The following EPS8L2 variants were observed in gnomAD, a reference collection of about 807,000 sequenced individuals.
EPS8L2 encodes EPS8 signaling adaptor L2.
EPS8L2 carries 81 observed loss-of-function variants against 99.4 expected under a neutral mutation model. That is an observed-to-expected ratio of 0.82 (90% CI 0.68 to 0.98). The LOEUF is 0.98. EPS8L2 is among the 50% of genes least tolerant of loss of function. The pLI, the probability that EPS8L2 is intolerant of heterozygous loss-of-function variation, is 0.00. For synonymous variants in EPS8L2, 509 were observed against 407.3 expected (o/e 1.25, Z -3.01); for missense variants, 1,155 against 968.8 (o/e 1.19, Z -2.55).
chr11:726,323 C>T lies in EPS8L2; in HGVS notation c.1773C>T (p.Asp591=). The T allele has an allele frequency of 6.2e-7, 1 of 1,609,614 alleles. No homozygotes were observed. Among genetic ancestry groups the T allele is most frequent in the Non-Finnish European group, 8.5e-7 (1 of 1,178,730 alleles). Residue 591 remains aspartate, a synonymous_variant, in exon 19 of 21, where the codon GAC becomes GAT. Coordinates refer to ENST00000318562, the MANE Select transcript of EPS8L2 (RefSeq NM_022772.4). Reference sequence around the variant, plus strand: ...CCTCAGAGCTCATGCAGCACATGGACGAGGTCAACGACGAGCTCATCCGGA... The same window carrying T: ...CCTCAGAGCTCATGCAGCACATGGATGAGGTCAACGACGAGCTCATCCGGA... The part of the protein sequence containing the change: ...GNKDELMQHM[D]EVNDELIRKI...
At chr11:713,155 G>T (rs1027801866) in intron 4 of EPS8L2, among the ~76,000 whole-genome samples, 1 of 152,252 alleles carries the variant, frequency 6.6e-6, no homozygotes, top group Non-Finnish European at 1.5e-5. Context: ...CCAGGTGGGG[G>T]CCGGATCAGA....
intron 4 of EPS8L2, among the ~76,000 whole-genome samples, chr11:718,671 TC>T (rs1167763523): frequency 6.7e-6 from 1 of 148,336 alleles, no homozygotes; most frequent in Non-Finnish European, 1.5e-5. Flanking sequence ...TTTTTTAATT[TC>T]TTTTTTTTTT....
chr11:720,241 G>A lies in EPS8L2; in HGVS notation c.327+18G>A, dbSNP rs924500458. ...AGTCACAGGTGGGGCCCAGCGCCACGGGGGACAGGGAGCACAGTGGGTAGA... is the reference window on the plus strand; with the variant it reads ...AGTCACAGGTGGGGCCCAGCGCCACAGGGGACAGGGAGCACAGTGGGTAGA... On this transcript the variant is annotated intron_variant, in intron 5 of 20. Transcript: ENST00000318562. The A allele has an allele frequency of 1.1e-5, 17 of 1,611,622 alleles. No homozygotes were observed. Among genetic ancestry groups the A allele is most frequent in the Admixed American group, 5.0e-5 (3 of 59,914 alleles).
intron 1 of EPS8L2, among the ~76,000 whole-genome samples, chr11:707,766 A>AG (rs1223755097): frequency 6.6e-6 from 1 of 152,068 alleles, no homozygotes; most frequent in Non-Finnish European, 1.5e-5. Flanking sequence ...GGCCTTCCCC[A>AG]GGGGGGTCGC....
Position 726,969 on chromosome 11 carries a change from G to A in EPS8L2, c.2136G>A (p.Gly712=), listed in dbSNP as rs757238187. The A allele has an allele frequency of 1.6e-5, 26 of 1,612,836 alleles. No individual in the cohort carries two copies. The Admixed American group carries it at 2.7e-4, about 17-fold the overall frequency. ...TTCATTCCATGAATCAGAGGAGGGG[G>A]GAGGACAGCTAGGCCCAGCTGCCTT... ...NKFHSMNQRR[G]EDS The change falls in exon 21 of 21, where the codon GGG becomes GGA. Residue 712 remains glycine (G), a synonymous_variant. Coordinates refer to ENST00000318562, the MANE Select transcript of EPS8L2 (RefSeq NM_022772.4).
Position 724,660 on chromosome 11 carries a change from C to G in EPS8L2, c.1455-64C>G, listed in dbSNP as rs1862268472. The G allele has an allele frequency of 8.6e-7, 1 of 1,165,226 alleles. No individual in the cohort carries two copies. Among genetic ancestry groups the G allele is most frequent in the African/African-American group, 1.5e-5 (1 of 66,030 alleles). 72.2% of individuals were successfully genotyped at this position (1,165,226 alleles called of 1,614,324 possible). ...ACCTGGGAAGCTGCTGCCCCCCAGC[C>G]ACTGCCCAGGTCTCAGAGGAGACCC... On this transcript the variant is annotated intron_variant, in intron 15 of 20. Coordinates refer to ENST00000318562, the MANE Select transcript of EPS8L2 (RefSeq NM_022772.4). The surrounding 1 kb of genome is among the most constrained non-coding windows in gnomAD (Gnocchi z 5.5).
chr11:721,150 G>T lies in EPS8L2; in HGVS notation c.644G>T (p.Gly215Val). Reference sequence around the variant, plus strand: ...CCCATCCCCTTCCAGCACCGCGGCGGGGATTCCCCGGAGGCCAAGAATCGC... The same window carrying T: ...CCCATCCCCTTCCAGCACCGCGGCGTGGATTCCCCGGAGGCCAAGAATCGC... ...PAPIPFQHRGGDSPEAKNRVG... is the reference protein window; with the variant it reads ...PAPIPFQHRGVDSPEAKNRVG... Residue 215 changes from glycine (G) to valine (V), a missense_variant, in exon 8 of 21, where the codon GGG becomes GTG. By Grantham distance (109) the Gly-to-Val change is moderately radical. Coordinates refer to ENST00000318562, the MANE Select transcript of EPS8L2 (RefSeq NM_022772.4). The T allele has an allele frequency of 6.5e-7, 1 of 1,536,236 alleles. No homozygotes were observed.
intron 18 of EPS8L2, 59 bp from the exon 19 acceptor site, chr11:726,245 G>T (rs1323255416): frequency 4.5e-5 from 70 of 1,569,270 alleles, no homozygotes; most frequent in Non-Finnish European, 5.6e-5. Flanking sequence ...GGGGGTCCCT[G>T]GGCCGGGGGC....
At chr11:711,922 G>A (rs1337894086) in intron 4 of EPS8L2, among the ~76,000 whole-genome samples, 1 of 152,030 alleles carries the variant, frequency 6.6e-6, no homozygotes, top group African/African-American at 2.4e-5. Context: ...GGCGGAGGTT[G>A]CAGTGAGCCG....
Position 726,914 on chromosome 11 carries a change from G to T in EPS8L2, c.2081G>T (p.Gly694Val). ...QKAFLEKQQS[G>V]SELEELMNKF... Reference sequence around the variant, plus strand: ...TCTCCTCCCTAGAAGCAGCAAAGTGGGTCGGAGCTGGAAGAACTCATGAAC... The same window carrying T: ...TCTCCTCCCTAGAAGCAGCAAAGTGTGTCGGAGCTGGAAGAACTCATGAAC... The change falls in exon 21 of 21, where the codon GGG becomes GTG. Residue 694 changes from glycine to valine, a missense_variant. By Grantham distance (109) the Gly-to-Val change is moderately radical. Coordinates refer to ENST00000318562, the MANE Select transcript of EPS8L2 (RefSeq NM_022772.4). 1 of 1,613,202 alleles carries T rather than the reference G, an allele frequency of 6.2e-7. No individual in the cohort carries two copies.
intron 15 of EPS8L2, among the ~76,000 whole-genome samples, chr11:723,558 C>T (rs1319719573): frequency 6.6e-6 from 1 of 152,208 alleles, no homozygotes; most frequent in East Asian, 1.9e-4. Context: ...TGCACAAATT[C>T]TCTACCCTAA....
chr11:711,887 G>T (rs1201733732), intron 4 of EPS8L2, among the ~76,000 whole-genome samples: 2 of 152,070 alleles, frequency 1.3e-5, no homozygotes, highest in African/African-American at 4.8e-5. Context: ...GGAGGCTGAG[G>T]CAGGAGAATC....
chr11:709,627 CGGG>C lies in EPS8L2; in HGVS notation c.100+20_100+22del. On this transcript the variant is annotated intron_variant, in intron 3 of 20. Coordinates refer to ENST00000318562, the MANE Select transcript of EPS8L2 (RefSeq NM_022772.4). ...CTGTTTGGTGAGTGAGGTTTGAGAACGGGCTGGACGTCACAGGGGAGAAATGGG... is the reference window on the plus strand; with the variant it reads ...CTGTTTGGTGAGTGAGGTTTGAGAACCTGGACGTCACAGGGGAGAAATGGG... The C allele has an allele frequency of 6.2e-7, 1 of 1,611,726 alleles. No homozygotes were observed. The highest frequency in any genetic ancestry group is 8.5e-7 in the Non-Finnish European group (1 of 1,179,604).
In EPS8L2 at chr11:722,139, C is replaced by T. The variant is rs1415211461; in HGVS notation, c.1033C>T (p.His345Tyr). ...GAACCCCAGCGCCGCGGAGCTCGTG[C>T]ACTTCCTCTTCGGGCCTCTGGACCT... ...IQNPSAAELVHFLFGPLDLIV... is the reference protein window; with the variant it reads ...IQNPSAAELVYFLFGPLDLIV... The change falls in exon 12 of 21, where the codon CAC becomes TAC. Residue 345 changes from histidine to tyrosine, a missense_variant. By Grantham distance (83) the His-to-Tyr change is moderately conservative. Coordinates refer to ENST00000318562, the MANE Select transcript of EPS8L2 (RefSeq NM_022772.4). 1 of 1,612,776 alleles carries T rather than the reference C, an allele frequency of 6.2e-7. No homozygotes were observed. Among genetic ancestry groups the T allele is most frequent in the Non-Finnish European group, 8.5e-7 (1 of 1,179,874 alleles).
intron 15 of EPS8L2, 124 bp downstream of exon 15, chr11:723,477 C>T (rs897829544): frequency 1.6e-5 from 7 of 450,988 alleles, no homozygotes; most frequent in Non-Finnish European, 2.4e-5. Context: ...GTTTAAAATA[C>T]TTTTCCAGAT....
rs573531226 is a variant in EPS8L2 at position 722,231 on chromosome 11, G to A, written c.1059+66G>A. 766 of 1,573,022 alleles carry A rather than the reference G, an allele frequency of 4.9e-4. 6 individuals are homozygous for A. The highest frequency in any genetic ancestry group is 4.2e-3 in the South Asian group (371 of 88,974). On this transcript the variant is annotated intron_variant, in intron 12 of 20. Coordinates refer to ENST00000318562, the MANE Select transcript of EPS8L2 (RefSeq NM_022772.4). Reference sequence around the variant, plus strand: ...CCAGAGGCCTCTGCAGCATCTCCCCGGGGTCGGGGTTGGGGCAGCAGGTGC... The same window carrying A: ...CCAGAGGCCTCTGCAGCATCTCCCCAGGGTCGGGGTTGGGGCAGCAGGTGC...
chr11:725,673 G>A (rs1862293017), intron 16 of EPS8L2, 55 bp from the exon 17 acceptor site: 3 of 1,282,006 alleles, frequency 2.3e-6, no homozygotes, highest in Non-Finnish European at 3.0e-6. Flanking sequence ...GCCAGCGGGT[G>A]GTCCCAGCCC....
chr11:726,087 C>T lies in EPS8L2; in HGVS notation c.1681-11C>T. 1 of 1,552,500 alleles carries T rather than the reference C, an allele frequency of 6.4e-7. No homozygotes were observed. On this transcript the variant is annotated splice_polypyrimidine_tract_variant and intron_variant, in intron 17 of 20. Coordinates refer to ENST00000318562, the MANE Select transcript of EPS8L2 (RefSeq NM_022772.4). Reference sequence around the variant, plus strand: ...GGGCGTGGGGAGCCTAATCGCCCCCCGCCCCCGCAGGCCGGTCAGAAGTAC... The same window carrying T: ...GGGCGTGGGGAGCCTAATCGCCCCCTGCCCCCGCAGGCCGGTCAGAAGTAC...
intron 14 of EPS8L2, 65 bp downstream of exon 14, chr11:722,870 C>G: frequency 8.8e-7 from 1 of 1,141,404 alleles, no homozygotes; most frequent in Non-Finnish European, 1.2e-6. Context: ...CAGAGCTCCC[C>G]CCCAGCCCTG....
Sources: allele counts gnomAD v4.1 joint callset (sites outside exome capture counted in the v4.1 genomes callset), GRCh38; gene constraint gnomAD v4.1.1; non-coding constraint Gnocchi (gnomAD v3.1); transcripts MANE v1.5; gene names NCBI Gene and HGNC (gene_info 2026-07-23, HGNC 2026-07-21).